The following CHLSN variants were observed in gnomAD, a reference collection of about 807,000 sequenced individuals.
The protein encoded by CHLSN is cholesin, also known as protein cholesin.
At chr7:1,004,985 C>G in the CHLSN span, among the ~76,000 whole-genome samples, 1 of 152,148 alleles carries the variant, frequency 6.6e-6, no homozygotes, top group Non-Finnish European at 1.5e-5. Flanking sequence ...CCCTGCTAGC[C>G]TACTGGGCTT....
At chr7:1,114,250 G>A in the CHLSN span, among the ~76,000 whole-genome samples, 5 of 152,250 alleles carry the variant, frequency 3.3e-5, no homozygotes, top group African/African-American at 9.6e-5. Flanking sequence ...CCTCTTCCAC[G>A]TGGTAGGAGA....
At chr7:1,058,966 G>A in the CHLSN span, 2 of 187,114 alleles carry the variant, frequency 1.1e-5, no homozygotes, top group Admixed American at 5.4e-5. Context: ...CAGCCAGGGT[G>A]GCCGGGCCCT....
chr7:1,121,179 G>A, the CHLSN span, among the ~76,000 whole-genome samples: 1 of 152,192 alleles, frequency 6.6e-6, no homozygotes, highest in African/African-American at 2.4e-5. Flanking sequence ...ACGTAAGACT[G>A]TTCCTCAGGT....
chr7:1,057,419 T>A, the CHLSN span: 1 of 631,030 alleles, frequency 1.6e-6, no homozygotes, highest in East Asian at 2.7e-5. Context: ...AAGGCACCCC[T>A]GTACCTGCAG....
chr7:1,013,437 C>G, the CHLSN span, among the ~76,000 whole-genome samples: 3 of 152,174 alleles, frequency 2.0e-5, no homozygotes, highest in African/African-American at 7.2e-5. Context: ...GAGTTTCAGG[C>G]CTAGGATGCA....
the CHLSN span, among the ~76,000 whole-genome samples, chr7:993,704 G>T: frequency 6.6e-6 from 1 of 152,184 alleles, no homozygotes; most frequent in Non-Finnish European, 1.5e-5. Context: ...TGAGCCCAGG[G>T]GGGTGGAGGT....
At chr7:1,135,954 T>C in the CHLSN span, among the ~76,000 whole-genome samples, 1 of 125,144 alleles carries the variant, frequency 8.0e-6, no homozygotes, top group African/African-American at 3.2e-5. Flanking sequence ...TATAAATATA[T>C]ATAAATATAT....
chr7:1,096,801 G>A, the CHLSN span, among the ~76,000 whole-genome samples: 3 of 152,180 alleles, frequency 2.0e-5, no homozygotes, highest in Admixed American at 1.3e-4. The surrounding 1 kb of genome is among the most constrained non-coding windows in gnomAD (Gnocchi z 4.6). Flanking sequence ...CCCAGGCCCC[G>A]CACCTCCCAC....
At chr7:1,012,255 G>A in the CHLSN span, among the ~76,000 whole-genome samples, 23 of 152,240 alleles carry the variant, frequency 1.5e-4, no homozygotes, top group Non-Finnish European at 2.5e-4. Flanking sequence ...TGGGGCACCC[G>A]GACAGGCCCT....
chr7:1,022,365 C>G, the CHLSN span, among the ~76,000 whole-genome samples: 1 of 152,238 alleles, frequency 6.6e-6, no homozygotes, highest in Non-Finnish European at 1.5e-5. Flanking sequence ...CATGGGGCAC[C>G]CGTACGGATT....
the CHLSN span, among the ~76,000 whole-genome samples, chr7:1,134,484 G>C: frequency 6.6e-6 from 1 of 152,194 alleles, no homozygotes; most frequent in South Asian, 2.1e-4. Context: ...TGAGGCAGGA[G>C]AATCACTTGA....
the CHLSN span, among the ~76,000 whole-genome samples, chr7:1,018,903 G>A: frequency 5.3e-5 from 8 of 152,184 alleles, no homozygotes; most frequent in African/African-American, 1.7e-4. Flanking sequence ...CCATAGTCTA[G>A]GACAGTGCAG....
the CHLSN span, among the ~76,000 whole-genome samples, chr7:1,125,407 A>C: frequency 6.6e-6 from 1 of 152,218 alleles, no homozygotes; most frequent in African/African-American, 2.4e-5. Flanking sequence ...CCCAGGCACG[A>C]GACCTCCAGC....
the CHLSN span, among the ~76,000 whole-genome samples, chr7:1,136,250 TATATATAAAC>T: frequency 8.5e-6 from 1 of 117,372 alleles, no homozygotes; most frequent in African/African-American, 3.5e-5. Context: ...TATATATAAA[TATATATAAAC>T]ATATATAAAT....
the CHLSN span, among the ~76,000 whole-genome samples, chr7:1,123,976 C>T: frequency 2.7e-4 from 41 of 152,226 alleles, no homozygotes; most frequent in East Asian, 7.8e-3. The surrounding 1 kb of genome is among the most constrained non-coding windows in gnomAD (Gnocchi z 4.4). Flanking sequence ...CTCAGCTGGG[C>T]GGGCCTGAGA....
chr7:1,110,251 G>A, the CHLSN span, among the ~76,000 whole-genome samples: 3 of 152,366 alleles, frequency 2.0e-5, no homozygotes, highest in South Asian at 2.1e-4. Flanking sequence ...AGGAAGGAAA[G>A]CGCACACACC....
the CHLSN span, chr7:1,055,570 G>T: frequency 2.5e-6 from 1 of 398,510 alleles, no homozygotes; most frequent in Non-Finnish European, 5.1e-6. Context: ...GGGGGACTCT[G>T]TGCAGCACAG....
the CHLSN span, chr7:1,058,344 G>A: frequency 1.3e-4 from 105 of 779,056 alleles, no homozygotes; most frequent in Middle Eastern, 1.1e-3. Context: ...ACTGCACTTT[G>A]TGAAGGATTT....
At chr7:1,136,086 T>A in the CHLSN span, among the ~76,000 whole-genome samples, 1 of 114,068 alleles carries the variant, frequency 8.8e-6, no homozygotes, top group Non-Finnish European at 1.6e-5. Flanking sequence ...ATATATAAAT[T>A]TATATAAATG....
Sources: allele counts gnomAD v4.1 joint callset (sites outside exome capture counted in the v4.1 genomes callset), GRCh38; gene constraint gnomAD v4.1.1; non-coding constraint Gnocchi (gnomAD v3.1); transcripts MANE v1.5; gene names NCBI Gene and HGNC (gene_info 2026-07-23, HGNC 2026-07-21).